Variants in FGG observed in about 807,000 individuals in gnomAD.
FGG encodes fibrinogen, gamma polypeptide.
Under a neutral mutation model 51.7 loss-of-function variants are expected in FGG, and 20 were observed. The ratio of observed to expected loss-of-function variants is 0.39; its 90% CI spans 0.27 to 0.56. The LOEUF is 0.56. Among genes scored for constraint, FGG ranks in the 20% least tolerant of loss-of-function variants. The pLI is 0.64. For synonymous variants in FGG, 184 were observed against 184.7 expected (o/e 1.00, Z 0.03); for missense variants, 460 against 534.2 (o/e 0.86, Z 1.37).
At chr4:154,610,931 C>T (rs1211839355) in intron 4 of FGG, among the ~76,000 whole-genome samples, 1 of 152,194 alleles carries the variant, frequency 6.6e-6, no homozygotes, top group South Asian at 2.1e-4. Flanking sequence ...ACCGTTCTTT[C>T]TTTGAAGTAA....
rs776288074 is a variant in FGG at position 154,609,719 on chromosome 4, A to G, written c.577T>C (p.Tyr193His). 25 of 1,613,912 alleles carry G rather than the reference A, an allele frequency of 1.5e-5. No homozygotes were observed. In the Admixed American group the frequency reaches 3.8e-4, roughly 25 times the overall value. ...ANKGAKQSGLYFIKPLKANQQ... is the reference protein window; with the variant it reads ...ANKGAKQSGLHFIKPLKANQQ... ...TTAGCTTTCAGAGGTTTAATAAAGT[A>G]AAGCCCGCTCTGTTTAGCTCCCTTA... The change falls in exon 6 of 9, where the codon TAC becomes CAC. Residue 193 changes from tyrosine to histidine, a missense_variant. Around this residue, in one of 3 missense-constraint regions of FGG, gnomAD observed 353 missense variants for 391.7 expected, o/e 0.90. Coordinates refer to ENST00000336098, the MANE Select transcript of FGG (RefSeq NM_021870.3).
At chr4:154,611,196 A>T (rs1731205173) in intron 4 of FGG, 1 of 152,154 alleles carries the variant, frequency 6.6e-6, no homozygotes, top group Non-Finnish European at 1.5e-5. Context: ...AAAAATATTA[A>T]AACTGTATCT....
chr4:154,612,161 AG>A lies in FGG; in HGVS notation c.163del (p.Leu55CysfsTer8). 1 of 1,611,406 alleles carries A rather than the reference AG, an allele frequency of 6.2e-7. No homozygotes were observed. The highest frequency in any genetic ancestry group is 8.5e-7 in the Non-Finnish European group (1 of 1,178,804). Reference protein sequence around the residue: ...CPTTCGIADFLSTYQTKVDKD... With the variant: ...CPTTCGIADFXSTYQTKVDKD... ...GTCTACTTTGGTTTGATAAGTAGAC[AG>A]GAAATCTGCAATGCCACAGGTAGTT... On this transcript the variant is annotated frameshift_variant, in exon 3 of 9. Coordinates refer to ENST00000336098, the MANE Select transcript of FGG (RefSeq NM_021870.3). LOFTEE classifies it high-confidence loss of function.
chr4:154,607,182 G>A (rs913513339), intron 7 of FGG, among the ~76,000 whole-genome samples, 200 bp from the exon 8 acceptor site: 22 of 152,282 alleles, frequency 1.4e-4, no homozygotes, highest in African/African-American at 4.8e-4. Flanking sequence ...CACTTCCCGG[G>A]ATGGGCCTAG....
intron 8 of FGG, 127 bp from the exon 9 acceptor site, chr4:154,605,193 G>GAAAATATCTCCAAAGATTCCT (rs1731076345): frequency 2.3e-6 from 2 of 859,974 alleles, no homozygotes; most frequent in Admixed American, 2.4e-5. Context: ...TCTGCTAACT[G>GAAAATATCTCCAAAGATTCCT]AAAATATCTC....
Position 154,608,685 on chromosome 4 carries a change from T to C in FGG, c.667-35A>G, listed in dbSNP as rs541046673. 4.8e-5 allele frequency: 76 copies of C among 1,572,912 alleles called. 2 individuals are homozygous for C. The South Asian group carries it at 7.6e-4, about 16-fold the overall frequency. On this transcript the variant is annotated intron_variant, in intron 6 of 8. Transcript: ENST00000336098. Reference sequence around the variant, plus strand: ...CATTTGCAAGAGCAAAAGGAGAAAATAGACTATCAATGCATGTAAAGAGAA... The same window carrying C: ...CATTTGCAAGAGCAAAAGGAGAAAACAGACTATCAATGCATGTAAAGAGAA...
rs1385876207 is a variant in FGG at position 154,604,713 on chromosome 4, T to C, written c.*121A>G. 2.0e-6 allele frequency: 3 copies of C among 1,519,436 alleles called. No homozygotes were observed. The highest frequency in any genetic ancestry group is 2.6e-6 in the Non-Finnish European group (3 of 1,138,102). The allele number at this position is 1,519,436 out of a possible 1,614,324, so 94.1% of individuals were successfully genotyped here. A position where few individuals can be genotyped will look rare whatever the true frequency, so the allele number is the denominator to read the frequency against. On this transcript the variant is annotated 3_prime_UTR_variant, in exon 9 of 9. Coordinates refer to ENST00000336098, the MANE Select transcript of FGG (RefSeq NM_021870.3). The stretch of plus-strand genomic sequence containing the variant: ...GTCCTAAATGAGTTTTAATTTCCAT[T>C]GAAGGCTAAATGTCCTTAATAGAAG...
At chr4:154,608,791 T>A in intron 6 of FGG, 141 bp from the exon 7 acceptor site, 1 of 721,374 alleles carries the variant, frequency 1.4e-6, no homozygotes, top group South Asian at 1.7e-5. Flanking sequence ...GCTACCTCAG[T>A]TTCCTCATGT....
Position 154,604,220 on chromosome 4 carries a change from G to A in FGG, c.*614C>T, listed in dbSNP as rs1304603935. 3 of 680,030 alleles carry A rather than the reference G, an allele frequency of 4.4e-6. No homozygotes were observed. Among genetic ancestry groups the A allele is most frequent in the South Asian group, 5.0e-5 (2 of 39,662 alleles). 42.1% of individuals were successfully genotyped at this position (680,030 alleles called of 1,614,324 possible). On this transcript the variant is annotated 3_prime_UTR_variant, in exon 9 of 9. Transcript: ENST00000336098. ...AACTGTTATGGAGTTTTCAACATGG[G>A]GTCTTTTGCTCTTAAAATGAAGTGA...
intron 8 of FGG, among the ~76,000 whole-genome samples, chr4:154,605,866 C>T (rs1731087627): frequency 6.6e-6 from 1 of 151,842 alleles, no homozygotes; most frequent in African/African-American, 2.4e-5. Flanking sequence ...GCTACAAGCC[C>T]GGAGTGGTTT....
chr4:154,612,354 G>T, intron 2 of FGG, 37 bp downstream of exon 2: 1 of 1,609,340 alleles, frequency 6.2e-7, no homozygotes. Context: ...CCCCTCTCCA[G>T]TTCACACACA....
rs772562614 is a variant in FGG at position 154,609,711 on chromosome 4, A to G, written c.585T>C (p.Ile195=). The change falls in exon 6 of 9, where the codon ATT becomes ATC. Residue 195 remains isoleucine (I), a synonymous_variant. Coordinates refer to ENST00000336098, the MANE Select transcript of FGG (RefSeq NM_021870.3). ...KGAKQSGLYF[I]KPLKANQQFL... is the part of the protein sequence containing the mutation. ...ATTGCTGGTTAGCTTTCAGAGGTTT[A>G]ATAAAGTAAAGCCCGCTCTGTTTAG... 1 of 1,614,022 alleles carries G rather than the reference A, an allele frequency of 6.2e-7. No individual in the cohort carries two copies. The highest frequency in any genetic ancestry group is 8.5e-7 in the Non-Finnish European group (1 of 1,179,914).
At chr4:154,609,204 G>C (rs867415994) in intron 6 of FGG, among the ~76,000 whole-genome samples, 7 of 152,062 alleles carry the variant, frequency 4.6e-5, no homozygotes, top group South Asian at 2.1e-4. Flanking sequence ...TGGTGATGGT[G>C]GTGGGGTGGT....
In FGG at chr4:154,608,433, A is replaced by G. The variant is rs767570118; in HGVS notation, c.851+33T>C. On this transcript the variant is annotated intron_variant, in intron 7 of 8. Transcript: ENST00000336098. ...AGTGCACATTCCAGGCAATCTTTAC[A>G]ATAAAAAGTTGGAAGTCATTTCAAA... 5 of 1,603,232 alleles carry G rather than the reference A, an allele frequency of 3.1e-6. No individual in the cohort carries two copies. In the Admixed American group the frequency reaches 6.7e-5, roughly 22 times the overall value.
In FGG at chr4:154,610,140, C is replaced by T. The variant is rs750418989; in HGVS notation, c.459G>A (p.Lys153=). ...NNQKIVNLKE[K]VAQLEAQCQE... ...GGCACTGTGCTTCAAGCTGGGCTAC[C>T]TTCTCTTTCAGGTTAACAATCTTTT... is the stretch of plus-strand genomic sequence containing the variant. The change falls in exon 5 of 9, where the codon AAG becomes AAA. Residue 153 remains lysine, a synonymous_variant. Transcript: ENST00000336098. 5.3e-5 allele frequency: 85 copies of T among 1,610,672 alleles called. No homozygotes were observed. Among genetic ancestry groups the T allele is most frequent in the Non-Finnish European group, 7.2e-5 (85 of 1,176,962 alleles).
intron 6 of FGG, among the ~76,000 whole-genome samples, chr4:154,609,420 G>T (rs1174401895): frequency 6.6e-6 from 1 of 152,126 alleles, no homozygotes; most frequent in Non-Finnish European, 1.5e-5. Flanking sequence ...TGACTCTGTT[G>T]CTTATTAGTT....
intron 8 of FGG, among the ~76,000 whole-genome samples, chr4:154,606,350 G>A (rs575588858): frequency 6.4e-4 from 97 of 152,306 alleles, no homozygotes; most frequent in African/African-American, 2.0e-3. Flanking sequence ...GGGAAGCCAG[G>A]TTAATGTGTC....
Position 154,608,527 on chromosome 4 carries a change from T to A in FGG, c.790A>T (p.Thr264Ser). 6.2e-7 allele frequency: 1 copy of A among 1,613,848 alleles called. No homozygotes were observed. The highest frequency in any genetic ancestry group is 8.5e-7 in the Non-Finnish European group (1 of 1,179,862). The change falls in exon 7 of 9, where the codon ACA (threonine) becomes TCA (serine). Residue 264 changes from threonine to serine, a missense_variant. Physicochemically the swap from Thr to Ser is moderately conservative, Grantham distance 58. Transcript: ENST00000336098. ...AATGCATATGGGATGGCAGACTGTG[T>A]GCTTATCAAATGAATCTTCTCATTT... is the stretch of plus-strand genomic sequence containing the variant. Reference protein sequence around the residue: ...LGNEKIHLISTQSAIPYALRV... With the variant: ...LGNEKIHLISSQSAIPYALRV...
Position 154,604,489 on chromosome 4 carries a change from C to T in FGG, c.*345G>A. The T allele has an allele frequency of 9.2e-7, 1 of 1,092,350 alleles. No individual in the cohort carries two copies. Among genetic ancestry groups the T allele is most frequent in the African/African-American group, 1.7e-5 (1 of 59,682 alleles). The allele number at this position is 1,092,350 out of a possible 1,614,324, so 67.7% of individuals were successfully genotyped here. On this transcript the variant is annotated 3_prime_UTR_variant, in exon 9 of 9. Transcript: ENST00000336098. ...TGGGAATTTGAAACTCTAAAATGTT[C>T]TCCTATTTTATTAAGTACATACTAA...
Sources: gnomAD v4.1 joint callset for allele counts (sites outside exome capture counted in the v4.1 genomes callset) on GRCh38, gnomAD v4.1.1 for gene constraint, gnomAD v4.1.1 regional missense constraint, MANE v1.5 for transcripts, NCBI Gene and HGNC (gene_info 2026-07-23, HGNC 2026-07-21) for gene names.